GOLGA4: variants seen among roughly 807,000 people sequenced by gnomAD.
GOLGA4 encodes golgin A4, also known as golgin subfamily A member 4.
A neutral mutation model predicts 265.9 loss-of-function variants in GOLGA4; 169 were observed. The observed-to-expected ratio is 0.64, with a 90% CI of 0.56 to 0.72. The LOEUF is 0.72. GOLGA4 is among the 30% of genes least tolerant of loss of function. The probability of loss-of-function intolerance (pLI) is 0.00; values close to 1 mark genes in which losing one functional copy is unlikely to be tolerated. For synonymous variants in GOLGA4, 923 were observed against 855.8 expected (o/e 1.08, Z -1.37); for missense variants, 2,482 against 2,483.4 (o/e 1.00, Z 0.01).
chr3:37,306,383 G>A (rs2096906104), intron 10 of GOLGA4, among the ~76,000 whole-genome samples: 1 of 152,096 alleles, frequency 6.6e-6, no homozygotes, highest in African/African-American at 2.4e-5. Flanking sequence ...GAAAAGTTTG[G>A]TGGTTCAGCT....
intron 2 of GOLGA4, 136 bp from the exon 3 acceptor site, chr3:37,281,822 A>G (rs1259823481): frequency 2.8e-6 from 2 of 715,150 alleles, no homozygotes; most frequent in East Asian, 2.5e-5. Flanking sequence ...TTTTCAGAAA[A>G]CAATGTATTA....
chr3:37,324,101 A>G lies in GOLGA4; in HGVS notation c.2215A>G (p.Ile739Val), dbSNP rs540463605. ...TCATCACCAGCAGCAAGTTGACAGT[A>G]TCATTAAAGAACACGAGGTATCTAT... ...KNHHQQQVDSIIKEHEVSIQR... is the reference protein window; with the variant it reads ...KNHHQQQVDSVIKEHEVSIQR... The change falls in exon 14 of 24, where the codon ATC (isoleucine) becomes GTC (valine). Residue 739 changes from isoleucine (I) to valine (V), a missense_variant. By Grantham distance (29) the Ile-to-Val change is conservative (BLOSUM62 3). This residue lies in a region of GOLGA4 where 1,536 missense variants were observed against 1,483.7 expected (regional missense o/e 1.04). Transcript: ENST00000361924. 1.9e-6 allele frequency: 3 copies of G among 1,614,160 alleles called. No homozygotes were observed. In the African/African-American group the frequency reaches 4.0e-5, roughly 22 times the overall value.
In GOLGA4 at chr3:37,362,228, TATTTATTTATTA is replaced by T. The variant is rs1262937719; in HGVS notation, c.*33+924_*33+935del. 1.9e-3 allele frequency among the ~76,000 whole-genome samples: 150 copies of T among 77,380 alleles called. 2 individuals are homozygous for T. The South Asian group carries it at 0.028, about 14-fold the overall frequency. 50.8% of individuals were successfully genotyped at this position (77,380 alleles called of 152,430 possible). On this transcript the variant is annotated intron_variant, in intron 23 of 23. Transcript: ENST00000361924. ...TTATTTATTTATTTATTTATTTATT[TATTTATTTATTA>T]TTTTTTTTTTTTTTGAGACGGAGTC...
intron 20 of GOLGA4, among the ~76,000 whole-genome samples, chr3:37,344,968 A>G (rs1034798648): frequency 2.0e-5 from 3 of 152,196 alleles, no homozygotes; most frequent in African/African-American, 4.8e-5. Context: ...TAGTCTGAAC[A>G]CTTTGGGAGG....
chr3:37,296,634 G>T (rs1338815095), intron 7 of GOLGA4, among the ~76,000 whole-genome samples: 1 of 152,158 alleles, frequency 6.6e-6, no homozygotes, highest in Non-Finnish European at 1.5e-5. Flanking sequence ...GCAGTAGCAT[G>T]ATCTCGGCTC....
intron 22 of GOLGA4, among the ~76,000 whole-genome samples, chr3:37,360,710 G>A (rs544827755): frequency 1.3e-5 from 2 of 152,112 alleles, no homozygotes; most frequent in East Asian, 1.9e-4. Flanking sequence ...TTTCAGTTTG[G>A]GTCACCATTC....
chr3:37,329,653 T>TAC (rs2096983682), intron 16 of GOLGA4, among the ~76,000 whole-genome samples: 1 of 152,204 alleles, frequency 6.6e-6, no homozygotes, highest in African/African-American at 2.4e-5. Flanking sequence ...AAATACTTAC[T>TAC]CTACTAATGC....
At chr3:37,320,756 A>G (rs1354918791) in intron 12 of GOLGA4, among the ~76,000 whole-genome samples, 1 of 152,218 alleles carries the variant, frequency 6.6e-6, no homozygotes, top group Admixed American at 6.5e-5. Context: ...CTTTGGGGAC[A>G]CTGAGCTAGC....
intron 4 of GOLGA4, chr3:37,287,471 T>A (rs1364811223): frequency 3.3e-5 from 5 of 152,254 alleles, no homozygotes; most frequent in Non-Finnish European, 7.3e-5. Flanking sequence ...TTGCCAACAC[T>A]CTTACCTATG....
intron 4 of GOLGA4, among the ~76,000 whole-genome samples, chr3:37,288,729 C>T (rs1451198276): frequency 1.3e-5 from 2 of 151,778 alleles, no homozygotes; most frequent in African/African-American, 2.4e-5. Context: ...CCACCTGCCT[C>T]GGCCTCCCAA....
chr3:37,299,041 T>G, intron 8 of GOLGA4, 21 bp downstream of exon 8: 1 of 1,549,814 alleles, frequency 6.5e-7, no homozygotes, highest in Non-Finnish European at 8.7e-7. Flanking sequence ...AGATGAGTTT[T>G]GTTCTAATTT....
intron 16 of GOLGA4, among the ~76,000 whole-genome samples, chr3:37,330,582 T>G (rs2150984074): frequency 6.6e-6 from 1 of 152,286 alleles, no homozygotes; most frequent in African/African-American, 2.4e-5. Flanking sequence ...AAAAATCTGC[T>G]GTATTTTAGG....
intron 9 of GOLGA4, among the ~76,000 whole-genome samples, chr3:37,299,911 T>C (rs566501299): frequency 1.4e-5 from 2 of 147,628 alleles, no homozygotes; most frequent in East Asian, 3.9e-4. Flanking sequence ...ATTAGCTGGG[T>C]ATGTTGGTAT....
At chr3:37,249,669 T>C (rs1230410079) in intron 1 of GOLGA4, 1 of 152,232 alleles carries the variant, frequency 6.6e-6, no homozygotes, top group East Asian at 1.9e-4. Context: ...TTTCATCTGT[T>C]GTATTGATTT....
Position 37,243,482 on chromosome 3 carries a change from C to T in GOLGA4, c.-69C>T, listed in dbSNP as rs908801957. ...TGTAAAGAAGTCGCCGTAGCCGTCG[C>T]GGCCGGGACTCCCCGGGCTCTCGCC... On this transcript the variant is annotated 5_prime_UTR_variant, in exon 1 of 24. Coordinates refer to ENST00000361924, the MANE Select transcript of GOLGA4 (RefSeq NM_002078.5). 7 of 1,382,868 alleles carry T rather than the reference C, an allele frequency of 5.1e-6. No homozygotes were observed. Among genetic ancestry groups the T allele is most frequent in the Admixed American group, 3.4e-5 (2 of 59,022 alleles). The allele number at this position is 1,382,868 out of a possible 1,614,324, so 85.7% of individuals were successfully genotyped here.
intron 2 of GOLGA4, among the ~76,000 whole-genome samples, chr3:37,254,948 T>G (rs1263573460): frequency 6.7e-6 from 1 of 149,178 alleles, no homozygotes; most frequent in Non-Finnish European, 1.5e-5. Context: ...ACTTATACCC[T>G]ATTATCTAGA....
At chr3:37,305,894 G>A (rs1024229028) in intron 10 of GOLGA4, among the ~76,000 whole-genome samples, 3 of 152,132 alleles carry the variant, frequency 2.0e-5, no homozygotes, top group Admixed American at 1.3e-4. Context: ...GCTCAAGAAC[G>A]TTCCCCACTA....
chr3:37,341,410 C>T (rs1329260092), intron 20 of GOLGA4, among the ~76,000 whole-genome samples: 7 of 152,164 alleles, frequency 4.6e-5, no homozygotes, highest in African/African-American at 1.7e-4. Context: ...AACCATTTGG[C>T]ATTCTCTTCT....
At chr3:37,265,230 C>T (rs1411352177) in intron 2 of GOLGA4, among the ~76,000 whole-genome samples, 2 of 151,208 alleles carry the variant, frequency 1.3e-5, no homozygotes, top group South Asian at 2.1e-4. Context: ...ATTTATTGTA[C>T]ATCTAATTAA....
Sources: allele counts gnomAD v4.1 joint callset (sites outside exome capture counted in the v4.1 genomes callset), GRCh38; gene constraint gnomAD v4.1.1; regional missense constraint gnomAD v4.1.1; transcripts MANE v1.5; gene names NCBI Gene and HGNC (gene_info 2026-07-23, HGNC 2026-07-21).